The following DGKB variants were observed in gnomAD, a reference collection of about 807,000 sequenced individuals.
DGKB encodes 90 kDa diacylglycerol kinase.
Under a neutral mutation model 114.3 loss-of-function variants are expected in DGKB, and 67 were observed. The observed-to-expected ratio is 0.59, with a 90% CI of 0.48 to 0.72. The LOEUF is 0.72. DGKB is among the 30% of genes least tolerant of loss of function. The pLI is 0.00. For synonymous variants in DGKB, 398 were observed against 323.1 expected (o/e 1.23, Z -2.49); for missense variants, 907 against 975.2 (o/e 0.93, Z 0.93).
At chr7:14,597,313 T>C (rs1802753695) in intron 17 of DGKB, among the ~76,000 whole-genome samples, 1 of 152,126 alleles carries the variant, frequency 6.6e-6, no homozygotes, top group African/African-American at 2.4e-5. Context: ...TAAAAGTAAA[T>C]AATGTAATTG....
At chr7:14,684,828 C>T (rs1821399128) in intron 10 of DGKB, among the ~76,000 whole-genome samples, 1 of 151,522 alleles carries the variant, frequency 6.6e-6, no homozygotes, top group African/African-American at 2.4e-5. Context: ...ATTAATGTAA[C>T]TTAAACAAAA....
chr7:14,919,101 C>CACAA lies in DGKB; in HGVS notation c.-188+55594_-188+55595insTTGT, dbSNP rs1554345198. Reference sequence around the variant, plus strand: ...ACACACACACACACACACAAACACACACACACACACACACACACACACAAA... The same window carrying CACAA: ...ACACACACACACACACACAAACACACACAAACACACACACACACACACACACAAA... On this transcript the variant is annotated intron_variant, in intron 1 of 4. Coordinates refer to the DGKB transcript ENST00000437998. Among the ~76,000 whole-genome samples, 16 of 141,048 alleles carry CACAA rather than the reference C, an allele frequency of 1.1e-4. No individual in the cohort carries two copies. The South Asian group carries it at 1.3e-3, about 12-fold the overall frequency. 92.5% of individuals were successfully genotyped at this position (141,048 alleles called of 152,430 possible). A position where few individuals can be genotyped will look rare whatever the true frequency, so the allele number is the denominator to read the frequency against.
At chr7:14,578,030 G>T (rs1799418282) in intron 19 of DGKB, among the ~76,000 whole-genome samples, 1 of 152,082 alleles carries the variant, frequency 6.6e-6, no homozygotes, top group African/African-American at 2.4e-5. Flanking sequence ...GTCAAGGGAG[G>T]GACCTGGTGG....
chr7:14,924,736 A>T (rs1183468741), intron 1 of DGKB, among the ~76,000 whole-genome samples: 1 of 152,170 alleles, frequency 6.6e-6, no homozygotes, highest in Non-Finnish European at 1.5e-5. Context: ...TGATATTTTT[A>T]AAATTAAATT....
chr7:14,739,939 G>A (rs1276798781), intron 4 of DGKB, among the ~76,000 whole-genome samples: 1 of 152,180 alleles, frequency 6.6e-6, no homozygotes. Flanking sequence ...CCTCCCCCAC[G>A]TTCCCGCCGT....
chr7:14,592,290 A>G (rs914067999), intron 17 of DGKB, among the ~76,000 whole-genome samples: 1 of 117,360 alleles, frequency 8.5e-6, no homozygotes, highest in African/African-American at 3.0e-5. Context: ...ACCATATGTC[A>G]TCAATTCTCT....
At position 14,183,677 on chromosome 7, in the gene DGKB, C is replaced by T. The variant is rs568002420; in HGVS notation, c.2123-5526G>A. On this transcript the variant is annotated intron_variant, in intron 23 of 25. Transcript: ENST00000402815. ...GGGAAACTATGTCACTTGTTCAAGTCTTTACATAGAATTGAAAATCTGGTT... is the reference window on the plus strand; with the variant it reads ...GGGAAACTATGTCACTTGTTCAAGTTTTTACATAGAATTGAAAATCTGGTT... Among the ~76,000 whole-genome samples, 6 of 152,260 alleles carry T rather than the reference C, an allele frequency of 3.9e-5. No homozygotes were observed. The South Asian group carries it at 1.2e-3, about 32-fold the overall frequency.
intron 23 of DGKB, among the ~76,000 whole-genome samples, chr7:14,284,960 A>C (rs912563945): frequency 1.3e-5 from 2 of 151,840 alleles, no homozygotes; most frequent in Non-Finnish European, 2.9e-5. Flanking sequence ...ATGTATATGT[A>C]TGTAACTAAC....
intron 6 of DGKB, among the ~76,000 whole-genome samples, chr7:14,711,938 C>T (rs1183033883): frequency 6.6e-6 from 1 of 152,116 alleles, no homozygotes; most frequent in Non-Finnish European, 1.5e-5. Context: ...TAAGTCAATA[C>T]CATCCGTATG....
At chr7:14,740,019 C>T (rs1353476665) in intron 4 of DGKB, among the ~76,000 whole-genome samples, 8 of 152,182 alleles carry the variant, frequency 5.3e-5, no homozygotes, top group Non-Finnish European at 2.9e-5. Context: ...CCATGCAGGG[C>T]GGGACTGAGC....
At chr7:14,758,024 T>C (rs1835141445) in intron 2 of DGKB, among the ~76,000 whole-genome samples, 1 of 152,116 alleles carries the variant, frequency 6.6e-6, no homozygotes, top group Non-Finnish European at 1.5e-5. Context: ...TAGATTTTAG[T>C]ATCTGTAGAT....
In DGKB at chr7:14,204,406, C is replaced by A. The variant is rs550404012; in HGVS notation, c.2123-26255G>T. 9.2e-5 allele frequency among the ~76,000 whole-genome samples: 14 copies of A among 152,094 alleles called. No homozygotes were observed. In the East Asian group the frequency reaches 2.5e-3, roughly 27 times the overall value. On this transcript the variant is annotated intron_variant, in intron 23 of 25. Transcript: ENST00000402815. ...CTACAAGTAGCTTGGTGAGCTGACA[C>A]ATTTCTGTGTCTATGTGGGTTAATC...
intron 1 of DGKB, among the ~76,000 whole-genome samples, chr7:14,870,744 G>A (rs953844964): frequency 3.3e-5 from 5 of 152,052 alleles, no homozygotes; most frequent in East Asian, 1.9e-4. Flanking sequence ...GCAGTGAGCC[G>A]AGATAGTACC....
At chr7:14,860,981 C>T (rs1850897554) in intron 1 of DGKB, among the ~76,000 whole-genome samples, 1 of 151,930 alleles carries the variant, frequency 6.6e-6, no homozygotes, top group Non-Finnish European at 1.5e-5. Flanking sequence ...CACTATATCC[C>T]TGGCAATTAG....
chr7:14,393,347 C>A (rs1024265801), intron 21 of DGKB, among the ~76,000 whole-genome samples: 3 of 152,048 alleles, frequency 2.0e-5, no homozygotes, highest in African/African-American at 7.2e-5. Flanking sequence ...CAACGAACAC[C>A]AATTTTGAAC....
At chr7:14,661,929 A>G (rs1372464994) in intron 13 of DGKB, among the ~76,000 whole-genome samples, 2 of 152,154 alleles carry the variant, frequency 1.3e-5, no homozygotes, top group East Asian at 1.9e-4. Flanking sequence ...ATTGGAAAGC[A>G]TCATTCTCAG....
chr7:14,826,442 C>T (rs1395392056), intron 2 of DGKB, among the ~76,000 whole-genome samples: 2 of 152,148 alleles, frequency 1.3e-5, no homozygotes, highest in South Asian at 4.1e-4. Context: ...ATAATTTGAA[C>T]TTAAAGCAGA....
intron 21 of DGKB, among the ~76,000 whole-genome samples, chr7:14,423,720 G>T (rs1324750430): frequency 6.6e-6 from 1 of 152,048 alleles, no homozygotes; most frequent in East Asian, 1.9e-4. Context: ...ACTCAATGAT[G>T]ACTGCATTAA....
chr7:14,740,412 T>A (rs755902098), intron 4 of DGKB, among the ~76,000 whole-genome samples: 32 of 152,118 alleles, frequency 2.1e-4, no homozygotes, highest in Admixed American at 5.2e-4. Flanking sequence ...TCTTGAAAAG[T>A]GTTTTATTAG....
Sources: allele counts gnomAD v4.1 joint callset (sites outside exome capture counted in the v4.1 genomes callset), GRCh38; gene constraint gnomAD v4.1.1; transcripts MANE v1.5; gene names NCBI Gene and HGNC (gene_info 2026-07-23, HGNC 2026-07-21).